ZC3H12C: variants seen among roughly 807,000 people sequenced by gnomAD.
ZC3H12C encodes probable ribonuclease ZC3H12C.
Under a neutral mutation model 76.3 loss-of-function variants are expected in ZC3H12C, and 20 were observed. That is an observed-to-expected ratio of 0.26 (90% CI 0.18 to 0.38). ZC3H12C has a LOEUF of 0.38. Among genes scored for constraint, ZC3H12C ranks in the 10% least tolerant of loss-of-function variants. The pLI, the probability that ZC3H12C is intolerant of heterozygous loss-of-function variation, is 1.00. For missense variants in ZC3H12C, 874 were observed against 1,086.5 expected, an observed-to-expected ratio of 0.80 and a Z score of 2.75; for synonymous variants, 352 against 399.6, an observed-to-expected ratio of 0.88 and a Z score of 1.42.
In ZC3H12C at chr11:110,153,068, T is replaced by C; in HGVS notation, c.913+10T>C. ...GATGCTCTCATTACAGGTAGGCTTA[T>C]TCCAGGCGGCTGCTTGTACCTAGCT... On this transcript the variant is annotated intron_variant, in intron 3 of 5. Coordinates refer to ENST00000278590, the MANE Select transcript of ZC3H12C (RefSeq NM_033390.2). 6.2e-7 allele frequency: 1 copy of C among 1,608,678 alleles called. No homozygotes were observed. The highest frequency in any genetic ancestry group is 1.1e-5 in the South Asian group (1 of 89,884).
chr11:110,115,748 C>CTTTTTT (rs71476067), intron 1 of ZC3H12C, among the ~76,000 whole-genome samples: 207 of 120,200 alleles, frequency 1.7e-3, no homozygotes, highest in Non-Finnish European at 2.1e-3. Context: ...TTCTCATTTT[C>CTTTTTT]TTTTTTTTTT....
rs1015572213 is a variant in ZC3H12C at position 110,165,546 on chromosome 11, C to T, written c.2461C>T (p.Arg821Trp). The T allele has an allele frequency of 1.7e-5, 27 of 1,613,458 alleles. No homozygotes were observed. The highest frequency in any genetic ancestry group is 2.2e-5 in the East Asian group (1 of 44,868). Residue 821 changes from arginine (R) to tryptophan (W), a missense_variant, in exon 6 of 6, where the codon CGG becomes TGG. Physicochemically the swap from Arg to Trp is moderately radical, Grantham distance 101 (BLOSUM62 -3). Around this residue, in one of 3 missense-constraint regions of ZC3H12C, gnomAD observed 395 missense variants for 434.4 expected, o/e 0.91. Coordinates refer to ENST00000278590, the MANE Select transcript of ZC3H12C (RefSeq NM_033390.2). ...CCCTGAGCAACAGGAGCCAGCCTGG[C>T]GGATCCCATACTGTGGAATGCCGCA... ...SLPEQQEPAW[R>W]IPYCGMPQDP...
intron 2 of ZC3H12C, among the ~76,000 whole-genome samples, chr11:110,145,456 G>A (rs964318297): frequency 6.6e-6 from 1 of 152,164 alleles, no homozygotes; most frequent in African/African-American, 2.4e-5. Context: ...CCTTTTACCT[G>A]AAACTGAGTA....
chr11:110,152,970 T>C lies in ZC3H12C; in HGVS notation c.825T>C (p.Asp275=). ...GCAGAGGAATAAAATTGGCAGTGGA[T>C]TGGTTTTTGGAAAGAGGCCACAAAG... ...FSCRGIKLAV[D]WFLERGHKDI... is the part of the protein sequence containing the mutation. Residue 275 remains aspartate, a synonymous_variant, in exon 3 of 6, where the codon GAT becomes GAC. Transcript: ENST00000278590. The C allele has an allele frequency of 6.2e-7, 1 of 1,612,384 alleles. No homozygotes were observed. Among genetic ancestry groups the C allele is most frequent in the Non-Finnish European group, 8.5e-7 (1 of 1,179,178 alleles).
intron 1 of ZC3H12C, among the ~76,000 whole-genome samples, chr11:110,106,401 A>G (rs1469930658): frequency 6.6e-6 from 1 of 152,218 alleles, no homozygotes; most frequent in African/African-American, 2.4e-5. Context: ...CATTTGATAG[A>G]TAAGAATGGG....
intron 2 of ZC3H12C, among the ~76,000 whole-genome samples, chr11:110,148,920 T>C (rs1040879713): frequency 2.0e-5 from 3 of 152,216 alleles, no homozygotes; most frequent in Non-Finnish European, 4.4e-5. Context: ...TCTGGCTCAC[T>C]CTGATTTTGT....
intron 2 of ZC3H12C, among the ~76,000 whole-genome samples, chr11:110,146,699 C>T (rs1862177461): frequency 6.6e-6 from 1 of 152,220 alleles, no homozygotes; most frequent in Non-Finnish European, 1.5e-5. Context: ...ACAATTCCAA[C>T]TGGGAAGGTA....
intron 1 of ZC3H12C, among the ~76,000 whole-genome samples, chr11:110,135,305 C>T (rs1045627207): frequency 3.3e-5 from 5 of 151,960 alleles, no homozygotes; most frequent in African/African-American, 7.3e-5. Context: ...GCATGGCCAA[C>T]GTGGCGAAAC....
At chr11:110,105,009 A>AT in intron 1 of ZC3H12C, among the ~76,000 whole-genome samples, 1 of 152,296 alleles carries the variant, frequency 6.6e-6, no homozygotes, top group South Asian at 2.1e-4. Context: ...TTTATGTCTT[A>AT]TAGGGTAAAG....
chr11:110,135,248 G>A (rs1861935167), intron 1 of ZC3H12C, among the ~76,000 whole-genome samples: 1 of 152,022 alleles, frequency 6.6e-6, no homozygotes, highest in South Asian at 2.1e-4. Flanking sequence ...CCAGCATTTT[G>A]GGAGGCCAAG....
intron 1 of ZC3H12C, 100 bp downstream of exon 1, chr11:110,093,532 G>A: frequency 2.2e-6 from 2 of 902,748 alleles, no homozygotes; most frequent in Non-Finnish European, 1.4e-6. Context: ...CCGGGCGCCA[G>A]GCGGAGGGCG....
At chr11:110,149,178 T>C (rs534273910) in intron 2 of ZC3H12C, among the ~76,000 whole-genome samples, 1 of 152,264 alleles carries the variant, frequency 6.6e-6, no homozygotes, top group South Asian at 2.1e-4. Context: ...CAGCAGCGAT[T>C]CTAGAGATTT....
chr11:110,148,974 C>G (rs1005214831), intron 2 of ZC3H12C, among the ~76,000 whole-genome samples: 1 of 152,154 alleles, frequency 6.6e-6, no homozygotes, highest in African/African-American at 2.4e-5. Context: ...TATATTGTAT[C>G]TAGCACGTAT....
At chr11:110,130,512 G>A (rs776243236) in intron 1 of ZC3H12C, among the ~76,000 whole-genome samples, 64 of 152,252 alleles carry the variant, frequency 4.2e-4, no homozygotes, top group Middle Eastern at 3.4e-3. Flanking sequence ...TAAAGACAGG[G>A]ATTACTGCAA....
intron 3 of ZC3H12C, among the ~76,000 whole-genome samples, chr11:110,154,044 G>A: frequency 6.6e-6 from 1 of 152,156 alleles, no homozygotes; most frequent in Admixed American, 6.5e-5. Context: ...CAAATAAAGA[G>A]ACCATCTACT....
chr11:110,160,710 C>T (rs1050469043), intron 4 of ZC3H12C, among the ~76,000 whole-genome samples: 2 of 152,114 alleles, frequency 1.3e-5, no homozygotes, highest in African/African-American at 4.8e-5. Context: ...CCTGAATGAA[C>T]TGCATGAAGC....
rs1862660861 is a variant in ZC3H12C, at chr11:110,170,658, A to T, written c.*4921A>T. On this transcript the variant is annotated 3_prime_UTR_variant, in exon 6 of 6. Transcript: ENST00000278590. ...CTTGGTGAATGATATTCTTCATATG[A>T]TCATATGTAATTTTGAATTCGTTGG... 1 of 152,172 alleles carries T rather than the reference A, an allele frequency of 6.6e-6. No individual in the cohort carries two copies. Among genetic ancestry groups the T allele is most frequent in the Non-Finnish European group, 1.5e-5 (1 of 68,014 alleles). 9.4% of individuals were successfully genotyped at this position (152,172 alleles called of 1,614,324 possible).
chr11:110,169,287 A>G lies in ZC3H12C; in HGVS notation c.*3550A>G. ...AGTAATATATTTATAAAACAAATAT[A>G]CTTTGCTTATGTTATAGCTCTTAGT... On this transcript the variant is annotated 3_prime_UTR_variant, in exon 6 of 6. Coordinates refer to ENST00000278590, the MANE Select transcript of ZC3H12C (RefSeq NM_033390.2). 6.6e-6 allele frequency: 1 copy of G among 151,920 alleles called. No homozygotes were observed. The highest frequency in any genetic ancestry group is 1.5e-5 in the Non-Finnish European group (1 of 67,998). The allele number at this position is 151,920 out of a possible 1,614,324, so 9.4% of individuals were successfully genotyped here.
chr11:110,141,040 A>G (rs1335007936), intron 2 of ZC3H12C, among the ~76,000 whole-genome samples: 1 of 152,228 alleles, frequency 6.6e-6, no homozygotes, highest in African/African-American at 2.4e-5. Context: ...TTATATACCA[A>G]TCAAATGACA....
Sources: allele counts gnomAD v4.1 joint callset (sites outside exome capture counted in the v4.1 genomes callset), GRCh38; gene constraint gnomAD v4.1.1; regional missense constraint gnomAD v4.1.1; transcripts MANE v1.5; gene names NCBI Gene and HGNC (gene_info 2026-07-23, HGNC 2026-07-21).